Variants in TMEM207 observed in about 807,000 individuals in gnomAD.
The protein encoded by TMEM207 is SRSR846.
In TMEM207, 15 loss-of-function variants were observed where a neutral mutation model predicts 17.4. The observed-to-expected ratio is 0.86, with a 90% CI of 0.58 to 1.33. TMEM207 has a LOEUF of 1.33. TMEM207 is among the 40% of genes most tolerant of loss of function. The pLI is 0.00. For missense variants in TMEM207, 205 were observed against 173.8 expected (o/e 1.18, Z -1.01); for synonymous variants, 70 against 65.6 (o/e 1.07, Z -0.33).
intron 2 of TMEM207, among the ~76,000 whole-genome samples, chr3:190,442,509 T>G (rs570277127): frequency 6.6e-6 from 1 of 152,298 alleles, no homozygotes; most frequent in Admixed American, 6.5e-5. Flanking sequence ...AATTTAAAAA[T>G]TCTATCACAA....
rs890221309 is a variant in TMEM207 at position 190,447,771 on chromosome 3, T to A, written c.113+19A>T. 3.1e-6 allele frequency: 5 copies of A among 1,608,590 alleles called. No homozygotes were observed. Among genetic ancestry groups the A allele is most frequent in the Non-Finnish European group, 4.2e-6 (5 of 1,178,156 alleles). On this transcript the variant is annotated intron_variant, in intron 2 of 4. Transcript: ENST00000354905. ...TTAAATGCGAAATAAAAACATGGAG[T>A]TTTTCGCTGTTTACTTACATTTCAT...
rs1202285496 is a variant in TMEM207 at position 190,429,497 on chromosome 3, T to G, written c.*98A>C. On this transcript the variant is annotated 3_prime_UTR_variant, in exon 5 of 5. Coordinates refer to ENST00000354905, the MANE Select transcript of TMEM207 (RefSeq NM_207316.3). ...CTTCCTCAGACTATATGAATAGATC[T>G]CTGGACATTTCCAACAACTGAAATA... is the stretch of plus-strand genomic sequence containing the variant. 6 of 1,510,284 alleles carry G rather than the reference T, an allele frequency of 4.0e-6. No individual in the cohort carries two copies. The highest frequency in any genetic ancestry group is 4.5e-6 in the Non-Finnish European group (5 of 1,105,282). The allele number at this position is 1,510,284 out of a possible 1,614,324, so 93.6% of individuals were successfully genotyped here. A position where few individuals can be genotyped will look rare whatever the true frequency, so the allele number is the denominator to read the frequency against.
chr3:190,440,519 C>T (rs1719908005), intron 3 of TMEM207, 130 bp from the exon 4 acceptor site: 1 of 716,902 alleles, frequency 1.4e-6, no homozygotes, highest in Non-Finnish European at 2.1e-6. Context: ...CACTGAATTC[C>T]TTAAGCAATT....
At position 190,441,445 on chromosome 3, in the gene TMEM207, A is replaced by G. The variant is rs200627844; in HGVS notation, c.151T>C (p.Tyr51His). 1.9e-5 allele frequency: 30 copies of G among 1,611,228 alleles called. No homozygotes were observed. The African/African-American group carries it at 2.7e-4, about 14-fold the overall frequency. ...NYNDQHPNGW[Y>H]IWILLLLVLV... ...AATGGAAGATATCCTTACCAGATAT[A>G]CCAGCCATTAGGGTGTTGGTCATTA... The change falls in exon 3 of 5, where the codon TAT (tyrosine) becomes CAT (histidine). Residue 51 changes from tyrosine to histidine, a missense_variant. Tyr to His is a moderately conservative substitution (Grantham distance 83). Transcript: ENST00000354905.
At chr3:190,433,111 G>C (rs891490387) in intron 4 of TMEM207, among the ~76,000 whole-genome samples, 4 of 152,032 alleles carry the variant, frequency 2.6e-5, no homozygotes, top group Non-Finnish European at 5.9e-5. Context: ...ACAATTGTGG[G>C]GGTCCCTCTC....
At position 190,441,437 on chromosome 3, in the gene TMEM207, C is replaced by T. The variant is rs1297799901; in HGVS notation, c.158+1G>A. On this transcript the variant is annotated splice_donor_variant, in intron 3 of 4. Coordinates refer to ENST00000354905, the MANE Select transcript of TMEM207 (RefSeq NM_207316.3). LOFTEE classifies it high-confidence loss of function. ...ATAAAACAAATGGAAGATATCCTTA[C>T]CAGATATACCAGCCATTAGGGTGTT... 2 of 1,608,370 alleles carry T rather than the reference C, an allele frequency of 1.2e-6. No homozygotes were observed. Among genetic ancestry groups the T allele is most frequent in the East Asian group, 2.2e-5 (1 of 44,834 alleles).
chr3:190,434,701 G>A lies in TMEM207; in HGVS notation c.305-4970C>T, dbSNP rs1367634725. On this transcript the variant is annotated intron_variant, in intron 4 of 4. Transcript: ENST00000354905. The stretch of plus-strand genomic sequence containing the variant: ...AATTATTCATCTTTGACGATTTAGA[G>A]AAGGAACTAAGAAGGTCTCAGAAGC... Among the ~76,000 whole-genome samples, 3 of 152,212 alleles carry A rather than the reference G, an allele frequency of 2.0e-5. No individual in the cohort carries two copies. The East Asian group carries it at 5.8e-4, about 29-fold the overall frequency.
In TMEM207 at chr3:190,448,372, T is replaced by C. The variant is rs907412647; in HGVS notation, c.76-545A>G. Among the ~76,000 whole-genome samples the C allele has an allele frequency of 2.0e-5, 3 of 152,134 alleles. No homozygotes were observed. The South Asian group carries it at 6.2e-4, about 31-fold the overall frequency. On this transcript the variant is annotated intron_variant, in intron 1 of 4. Coordinates refer to ENST00000354905, the MANE Select transcript of TMEM207 (RefSeq NM_207316.3). ...ACATTCCAGTTGAGATTTACAGTCT[T>C]CTCTTTATCAGAGAAGAGAAAAAAA...
At chr3:190,438,299 CTT>C (rs535891750) in intron 4 of TMEM207, among the ~76,000 whole-genome samples, 1 of 141,474 alleles carries the variant, frequency 7.1e-6, no homozygotes. Context: ...GTTTTTTTTT[CTT>C]TTTTTTTTTG....
rs960201985 is a variant in TMEM207 at position 190,429,465 on chromosome 3, A to C, written c.*130T>G. 1 of 1,330,202 alleles carries C rather than the reference A, an allele frequency of 7.5e-7. No homozygotes were observed. Among genetic ancestry groups the C allele is most frequent in the Non-Finnish European group, 1.0e-6 (1 of 991,950 alleles). 82.4% of individuals were successfully genotyped at this position (1,330,202 alleles called of 1,614,324 possible). On this transcript the variant is annotated 3_prime_UTR_variant, in exon 5 of 5. Coordinates refer to ENST00000354905, the MANE Select transcript of TMEM207 (RefSeq NM_207316.3). ...TTTTCCAACATCCATTCTTTTGTCG[A>C]ATTGTCCTTCCTCAGACTATATGAA...
At chr3:190,436,611 T>C (rs75414074) in intron 4 of TMEM207, among the ~76,000 whole-genome samples, 45 of 152,316 alleles carry the variant, frequency 3.0e-4, no homozygotes, top group Non-Finnish European at 5.7e-4. Flanking sequence ...GTTCTTTAAC[T>C]TCCCTTTTGG....
chr3:190,447,973 C>T (rs1720086540), intron 1 of TMEM207, 146 bp from the exon 2 acceptor site: 3 of 612,070 alleles, frequency 4.9e-6, no homozygotes, highest in African/African-American at 1.9e-5. Context: ...ATTGTTGGTA[C>T]ACAGAATTTT....
chr3:190,429,538 G>T lies in TMEM207; in HGVS notation c.*57C>A. The T allele has an allele frequency of 1.3e-6, 2 of 1,583,488 alleles. No homozygotes were observed. Among genetic ancestry groups the T allele is most frequent in the Non-Finnish European group, 1.7e-6 (2 of 1,154,716 alleles). ...AACTGAAATAACTATTCCTAAATTT[G>T]ATGTTTTGGAATTACAGATGTCGTT... On this transcript the variant is annotated 3_prime_UTR_variant, in exon 5 of 5. Transcript: ENST00000354905.
intron 4 of TMEM207, among the ~76,000 whole-genome samples, chr3:190,431,024 T>G (rs1203647247): frequency 6.6e-6 from 1 of 152,154 alleles, no homozygotes. Flanking sequence ...TTTAGAATAA[T>G]GGATTTTCAT....
At chr3:190,447,671 T>G in intron 2 of TMEM207, 119 bp downstream of exon 2, 1 of 922,078 alleles carries the variant, frequency 1.1e-6, no homozygotes, top group Non-Finnish European at 1.6e-6. Context: ...TTACTTTTCT[T>G]CTGATTATAA....
chr3:190,429,976 T>TTACAATTTAGGAGC, intron 4 of TMEM207, among the ~76,000 whole-genome samples: 1 of 152,280 alleles, frequency 6.6e-6, no homozygotes, highest in Admixed American at 6.5e-5. Context: ...CAAGAAGCAT[T>TTACAATTTAGGAGC]TACAATTTAG....
chr3:190,434,283 T>C (rs1225535019), intron 4 of TMEM207, among the ~76,000 whole-genome samples: 1 of 152,166 alleles, frequency 6.6e-6, no homozygotes, highest in Non-Finnish European at 1.5e-5. Context: ...ATAATTCCCG[T>C]GTGTTGTGGG....
chr3:190,449,313 T>C (rs1720112686), intron 1 of TMEM207, among the ~76,000 whole-genome samples: 1 of 152,132 alleles, frequency 6.6e-6, no homozygotes, highest in Non-Finnish European at 1.5e-5. Context: ...CTGAAATAAA[T>C]CCTAAAATGG....
Position 190,428,828 on chromosome 3 carries a change from G to C in TMEM207, c.*767C>G, listed in dbSNP as rs950502322. The C allele has an allele frequency of 2.0e-5, 3 of 152,126 alleles. No individual in the cohort carries two copies. The highest frequency in any genetic ancestry group is 1.3e-4 in the Admixed American group (2 of 15,264). 9.4% of individuals were successfully genotyped at this position (152,126 alleles called of 1,614,324 possible). A position where few individuals can be genotyped will look rare whatever the true frequency, so the allele number is the denominator to read the frequency against. ...AGTCCTCATGGGAACAGATACCTAT[G>C]CCGAAGGTTCTTAGCATGATGCTGC... is the stretch of plus-strand genomic sequence containing the variant. On this transcript the variant is annotated 3_prime_UTR_variant, in exon 5 of 5. Coordinates refer to ENST00000354905, the MANE Select transcript of TMEM207 (RefSeq NM_207316.3).
Sources: gnomAD v4.1 joint callset for allele counts (sites outside exome capture counted in the v4.1 genomes callset) on GRCh38, gnomAD v4.1.1 for gene constraint, MANE v1.5 for transcripts, NCBI Gene and HGNC (gene_info 2026-07-23, HGNC 2026-07-21) for gene names.